PCNX1: variants seen among roughly 807,000 people sequenced by gnomAD.
The protein encoded by PCNX1 is pecanex-like protein 1.
A neutral mutation model predicts 242.2 loss-of-function variants in PCNX1; 78 were observed. The ratio of observed to expected loss-of-function variants is 0.32; its 90% CI spans 0.27 to 0.39. PCNX1 has a LOEUF of 0.39. Among genes scored for constraint, PCNX1 ranks in the 10% least tolerant of loss-of-function variants. The pLI, the probability that PCNX1 is intolerant of heterozygous loss-of-function variation, is 1.00. For synonymous variants in PCNX1, 1,024 were observed against 1,032.9 expected (o/e 0.99, Z 0.17); for missense variants, 2,581 against 2,856.5 (o/e 0.90, Z 2.20).
chr14:71,064,276 G>C (rs9806042), intron 26 of PCNX1, among the ~76,000 whole-genome samples: 81,643 of 151,774 alleles, frequency 0.54, 22,888 homozygotes, highest in East Asian at 0.73. Context: ...TATTAATATT[G>C]CTATAATTAT....
chr14:70,994,407 A>ATG (rs1242952057), intron 7 of PCNX1, among the ~76,000 whole-genome samples: 5 of 96,658 alleles, frequency 5.2e-5, no homozygotes, highest in Non-Finnish European at 8.7e-5. Context: ...ATATATATAT[A>ATG]TATATATATA....
intron 2 of PCNX1, among the ~76,000 whole-genome samples, chr14:70,959,800 G>A (rs1233862341): frequency 2.3e-4 from 33 of 146,294 alleles, no homozygotes; most frequent in East Asian, 1.0e-3. Context: ...CTGAGGAATC[G>A]CCACACTGAC....
chr14:71,098,704 T>C (rs1055650747), intron 30 of PCNX1, among the ~76,000 whole-genome samples: 4 of 152,208 alleles, frequency 2.6e-5, no homozygotes, highest in African/African-American at 9.6e-5. Context: ...AGGAGCTTTT[T>C]GGCAGAGTCT....
rs186910707 is a variant in PCNX1, at chr14:71,076,372, G to A, written c.5290G>A (p.Val1764Met). The A allele has an allele frequency of 6.2e-6, 10 of 1,613,206 alleles. No homozygotes were observed. The African/African-American group carries it at 8.0e-5, about 13-fold the overall frequency. Reference sequence around the variant, plus strand: ...AGGCATATCTAGGGAGAGTTTCTGTGTGATTTACCTCAACTGGATAGAGTA... The same window carrying A: ...AGGCATATCTAGGGAGAGTTTCTGTATGATTTACCTCAACTGGATAGAGTA... ...LAGISRESFCVIYLNWIEYCS... is the reference protein window; with the variant it reads ...LAGISRESFCMIYLNWIEYCS... The change falls in exon 28 of 36, where the codon GTG (valine) becomes ATG (methionine). Residue 1764 changes from valine to methionine, a missense_variant. Around this residue, in one of 9 missense-constraint regions of PCNX1, gnomAD observed 298 missense variants for 480.1 expected, o/e 0.62. Transcript: ENST00000304743.
chr14:71,111,108 A>G lies in PCNX1; in HGVS notation c.*1173A>G, dbSNP rs1193608388. On this transcript the variant is annotated 3_prime_UTR_variant, in exon 36 of 36. Transcript: ENST00000304743. Reference sequence around the variant, plus strand: ...TGTTACTTGAATTTTATTTCCTGTAATTTATAGTGTGTAGCTGTAAATTGA... The same window carrying G: ...TGTTACTTGAATTTTATTTCCTGTAGTTTATAGTGTGTAGCTGTAAATTGA... 1 of 151,980 alleles carries G rather than the reference A, an allele frequency of 6.6e-6. No homozygotes were observed. Among genetic ancestry groups the G allele is most frequent in the Non-Finnish European group, 1.5e-5 (1 of 67,880 alleles). 9.4% of individuals were successfully genotyped at this position (151,980 alleles called of 1,614,324 possible).
At chr14:70,986,213 T>A (rs1244636205) in intron 6 of PCNX1, among the ~76,000 whole-genome samples, 1 of 152,242 alleles carries the variant, frequency 6.6e-6, no homozygotes, top group African/African-American at 2.4e-5. Flanking sequence ...GAATGTGTGA[T>A]ACTGTTAAAG....
intron 7 of PCNX1, among the ~76,000 whole-genome samples, chr14:70,990,738 T>C (rs1437072824): frequency 2.0e-5 from 3 of 152,336 alleles, no homozygotes; most frequent in South Asian, 2.1e-4. Context: ...CTGAGCCCTT[T>C]GTTTTTGTGA....
At chr14:71,047,221 T>A in intron 21 of PCNX1, 116 bp downstream of exon 21, 1 of 589,618 alleles carries the variant, frequency 1.7e-6, no homozygotes, top group Non-Finnish European at 2.7e-6. Flanking sequence ...ACTGTGAGAT[T>A]AAAAATTTAG....
intron 2 of PCNX1, among the ~76,000 whole-genome samples, chr14:70,959,303 C>T (rs768362545): frequency 0.013 from 2,010 of 149,756 alleles, 22 homozygotes; most frequent in Middle Eastern, 0.031. Context: ...TATGTATACA[C>T]ATGCCATGCT....
intron 16 of PCNX1, chr14:71,032,011 C>G: frequency 1.1e-6 from 1 of 950,726 alleles, no homozygotes; most frequent in Admixed American, 1.7e-5. Context: ...ATTCAAGACA[C>G]GGACACACAC....
chr14:71,023,922 C>CA (rs1246997142), intron 13 of PCNX1, among the ~76,000 whole-genome samples: 4 of 151,928 alleles, frequency 2.6e-5, no homozygotes. Flanking sequence ...CAAAATAAAA[C>CA]AAAGAGGCAA....
At chr14:71,003,394 G>T (rs1275822891) in intron 8 of PCNX1, among the ~76,000 whole-genome samples, 1 of 151,984 alleles carries the variant, frequency 6.6e-6, no homozygotes, top group Non-Finnish European at 1.5e-5. Context: ...CCCAGCCTGG[G>T]TTGTTGGTCT....
chr14:71,096,177 A>G (rs111329150), intron 30 of PCNX1, among the ~76,000 whole-genome samples: 1,766 of 151,046 alleles, frequency 0.012, 13 homozygotes, highest in Middle Eastern at 0.024. Flanking sequence ...AATTAGCTGG[A>G]CGTGGCAGTG....
chr14:71,028,942 A>G (rs955528909), intron 16 of PCNX1, 151 bp downstream of exon 16: 1 of 502,330 alleles, frequency 2.0e-6, no homozygotes, highest in East Asian at 3.4e-5. Flanking sequence ...CTCATTCTCA[A>G]CTACTTTGAA....
chr14:71,042,596 T>C (rs2060740096), intron 19 of PCNX1, among the ~76,000 whole-genome samples: 1 of 152,002 alleles, frequency 6.6e-6, no homozygotes, highest in South Asian at 2.1e-4. Context: ...CAGCATATAA[T>C]TGGCTGTTTT....
At chr14:70,984,921 C>G (rs1333499580) in intron 6 of PCNX1, among the ~76,000 whole-genome samples, 1 of 152,078 alleles carries the variant, frequency 6.6e-6, no homozygotes, top group Non-Finnish European at 1.5e-5. Context: ...AATAGTTGCA[C>G]TAAAATAATT....
chr14:71,070,908 G>A (rs779247878), intron 26 of PCNX1, among the ~76,000 whole-genome samples: 3 of 152,296 alleles, frequency 2.0e-5, no homozygotes, highest in African/African-American at 2.4e-5. Context: ...TCTTCTTTCC[G>A]TGTAAGGATG....
At chr14:71,086,379 A>T (rs2061989994) in intron 28 of PCNX1, among the ~76,000 whole-genome samples, 1 of 152,162 alleles carries the variant, frequency 6.6e-6, no homozygotes, top group Admixed American at 6.5e-5. Flanking sequence ...TCAATTTTTT[A>T]TTAGATGCCA....
chr14:70,987,714 T>C lies in PCNX1; in HGVS notation c.2312-853T>C, dbSNP rs1231424278. Among the ~76,000 whole-genome samples, 11 of 152,342 alleles carry C rather than the reference T, an allele frequency of 7.2e-5. No homozygotes were observed. The East Asian group carries it at 2.1e-3, about 29-fold the overall frequency. ...GCTTTAGAAACCCAAATCGGTCAAT[T>C]TTTGTGGTTTTGTAAGATCTGTGTA... On this transcript the variant is annotated intron_variant, in intron 6 of 35. Transcript: ENST00000304743.
Sources: gnomAD v4.1 joint callset for allele counts (sites outside exome capture counted in the v4.1 genomes callset) on GRCh38, gnomAD v4.1.1 for gene constraint, gnomAD v4.1.1 regional missense constraint, MANE v1.5 for transcripts, NCBI Gene and HGNC (gene_info 2026-07-23, HGNC 2026-07-21) for gene names.